Variants in RAB36 observed in about 807,000 individuals in gnomAD.
RAB36 encodes the protein ras-related protein Rab-36.
A neutral mutation model predicts 39.3 loss-of-function variants in RAB36; 33 were observed. That is an observed-to-expected ratio of 0.84 (90% CI 0.64 to 1.12). RAB36 has a LOEUF of 1.12. Ranked by LOEUF, RAB36 falls within the 50% of genes most tolerant of loss-of-function variation. The pLI is 0.00. For missense variants in RAB36, 308 were observed against 355.3 expected, an observed-to-expected ratio of 0.87 and a Z score of 1.07; for synonymous variants, 133 against 140.2, an observed-to-expected ratio of 0.95 and a Z score of 0.36.
rs548087016 is a variant in RAB36, at chr22:23,156,125, A to T, written c.394+93A>T. 1.3e-5 allele frequency: 11 copies of T among 876,132 alleles called. No homozygotes were observed. In the Admixed American group the frequency reaches 1.8e-4, roughly 14 times the overall value. The allele number at this position is 876,132 out of a possible 1,614,324, so 54.3% of individuals were successfully genotyped here. ...GGAATCCCGAGTTCTCTGCACAGGC[A>T]CCAGTTTTTTGTCCTCCAAGACCCA... On this transcript the variant is annotated intron_variant, in intron 6 of 10. Transcript: ENST00000263116.
At position 23,161,762 on chromosome 22, in the gene RAB36, A is replaced by G. The variant is rs1569220203; in HGVS notation, c.*198A>G. ...GTCCGTTGCAGGTTGGGCACTAGAA[A>G]AGGCCCCCACTGGCTGCCTGGGAGC... is the stretch of plus-strand genomic sequence containing the variant. On this transcript the variant is annotated 3_prime_UTR_variant, in exon 11 of 11. Transcript: ENST00000263116. The G allele has an allele frequency of 2.6e-5, 15 of 569,106 alleles. No individual in the cohort carries two copies. In the East Asian group the frequency reaches 4.3e-4, roughly 16 times the overall value. 35.3% of individuals were successfully genotyped at this position (569,106 alleles called of 1,614,324 possible).
intron 5 of RAB36, among the ~76,000 whole-genome samples, chr22:23,154,358 T>C (rs6003525): frequency 0.8 from 121,182 of 152,208 alleles, 48,519 homozygotes; most frequent in East Asian, 0.99. Flanking sequence ...TGGATGTCAG[T>C]TCCTAACTCT....
chr22:23,156,782 C>T (rs951352595), intron 6 of RAB36, among the ~76,000 whole-genome samples: 1 of 152,220 alleles, frequency 6.6e-6, no homozygotes, highest in African/African-American at 2.4e-5. Context: ...CTGCCCTGGT[C>T]GCATGGCCTC....
chr22:23,153,079 G>A lies in RAB36; in HGVS notation c.274G>A (p.Val92Met). The A allele has an allele frequency of 6.2e-7, 1 of 1,614,204 alleles. No homozygotes were observed. The highest frequency in any genetic ancestry group is 8.5e-7 in the Non-Finnish European group (1 of 1,180,018). ...FDRDYKATIG[V>M]DFEIERFEIA... ...TCGAGACTACAAGGCCACCATTGGGGTGGACTTTGAAATTGAGCGCTTTGA... is the reference window on the plus strand; with the variant it reads ...TCGAGACTACAAGGCCACCATTGGGATGGACTTTGAAATTGAGCGCTTTGA... Residue 92 changes from valine to methionine, a missense_variant, in exon 5 of 11, where the codon GTG becomes ATG. Transcript: ENST00000263116.
At chr22:23,161,433 C>CATCCCCTGCCCAGT in intron 10 of RAB36, 67 bp from the exon 11 acceptor site, 1 of 1,368,998 alleles carries the variant, frequency 7.3e-7, no homozygotes, top group Non-Finnish European at 1.0e-6. Context: ...TCAGGGCCGG[C>CATCCCCTGCCCAGT]ATCCCCTGCC....
At chr22:23,148,435 G>A (rs1490789591) in intron 2 of RAB36, among the ~76,000 whole-genome samples, 4 of 152,196 alleles carry the variant, frequency 2.6e-5, no homozygotes, top group Non-Finnish European at 5.9e-5. Flanking sequence ...CAGAGTTAAG[G>A]AGGGTTGCCT....
chr22:23,152,882 T>G, intron 4 of RAB36, 151 bp from the exon 5 acceptor site: 1 of 652,120 alleles, frequency 1.5e-6, no homozygotes, highest in Non-Finnish European at 2.7e-6. Context: ...TTGTCCTTGC[T>G]GGCTGCCCTG....
chr22:23,160,785 A>C, intron 9 of RAB36, 94 bp from the exon 10 acceptor site: 1 of 1,531,400 alleles, frequency 6.5e-7, no homozygotes, highest in Non-Finnish European at 8.9e-7. Flanking sequence ...CTACGTGCCA[A>C]CCTGAGGGTA....
intron 9 of RAB36, 64 bp from the exon 10 acceptor site, chr22:23,160,815 C>A: frequency 1.3e-6 from 2 of 1,571,854 alleles, no homozygotes; most frequent in Non-Finnish European, 1.7e-6. Flanking sequence ...GGCTTTCACA[C>A]CCAGATGCAT....
intron 2 of RAB36, 89 bp downstream of exon 2, chr22:23,146,774 G>A: frequency 6.6e-7 from 1 of 1,522,188 alleles, no homozygotes; most frequent in South Asian, 1.2e-5. Flanking sequence ...AAGTAAAGCA[G>A]GTGAATCAAG....
downstream of RAB36, among the ~76,000 whole-genome samples, chr22:23,167,017 C>T (rs141203423): frequency 2.4e-4 from 36 of 152,182 alleles, no homozygotes; most frequent in African/African-American, 6.5e-4. Context: ...GCCCTGTCCC[C>T]GCCTGACAGG....
intron 6 of RAB36, 108 bp downstream of exon 6, chr22:23,156,140 T>TCTGAGAAAA (rs773014045): frequency 0.24 from 229,019 of 954,164 alleles, 30,929 homozygotes; most frequent in East Asian, 0.36. Context: ...TTTTTTGTCC[T>TCTGAGAAAA]CCAAGACCCA....
At chr22:23,145,800 C>G (rs981938265) in intron 1 of RAB36, among the ~76,000 whole-genome samples, 3 of 152,254 alleles carry the variant, frequency 2.0e-5, no homozygotes, top group African/African-American at 7.2e-5. Flanking sequence ...CCACCCCAGC[C>G]CAGCCTGGAG....
chr22:23,153,539 C>T (rs1331110412), intron 5 of RAB36: 2 of 984,024 alleles, frequency 2.0e-6, no homozygotes, highest in Middle Eastern at 5.2e-4. Flanking sequence ...AAAATGGGGT[C>T]AAATCCAGTC....
intron 1 of RAB36, chr22:23,146,045 G>A (rs1428834338): frequency 1.0e-6 from 1 of 982,254 alleles, no homozygotes; most frequent in Non-Finnish European, 1.2e-6. Flanking sequence ...GCTCAGAGGG[G>A]AGCTCCTCCT....
intron 1 of RAB36, among the ~76,000 whole-genome samples, chr22:23,146,187 CAGAG>C (rs2070759425): frequency 6.6e-6 from 1 of 152,188 alleles, no homozygotes; most frequent in Non-Finnish European, 1.5e-5. Context: ...ATATTCCTGA[CAGAG>C]AGGGAAGCCT....
rs2071833969 is a variant in RAB36 at position 23,161,974 on chromosome 22, A to G, written c.*410A>G. 1 of 180,990 alleles carries G rather than the reference A, an allele frequency of 5.5e-6. No individual in the cohort carries two copies. The highest frequency in any genetic ancestry group is 5.5e-5 in the Admixed American group (1 of 18,172). 11.2% of individuals were successfully genotyped at this position (180,990 alleles called of 1,614,324 possible). A position where few individuals can be genotyped will look rare whatever the true frequency, so the allele number is the denominator to read the frequency against. Reference sequence around the variant, plus strand: ...CTGCACTCTTTCCCAGCGATCTTGGATGTGTCCCCAGGATCCGTCACAGTG... The same window carrying G: ...CTGCACTCTTTCCCAGCGATCTTGGGTGTGTCCCCAGGATCCGTCACAGTG... On this transcript the variant is annotated 3_prime_UTR_variant, in exon 11 of 11. Transcript: ENST00000263116.
chr22:23,168,617 C>A (rs5759624), downstream of RAB36, among the ~76,000 whole-genome samples: 34,092 of 152,162 alleles, frequency 0.22, 4,409 homozygotes, highest in East Asian at 0.34. Context: ...CATATGTCAG[C>A]CTTCCCCTGA....
chr22:23,152,555 A>G (rs2071213748), intron 4 of RAB36, 29 bp downstream of exon 4: 1 of 1,606,760 alleles, frequency 6.2e-7, no homozygotes. Context: ...CCCTTTGGCC[A>G]CCTCCCCCAG....
Sources: allele counts gnomAD v4.1 joint callset (sites outside exome capture counted in the v4.1 genomes callset), GRCh38; gene constraint gnomAD v4.1.1; transcripts MANE v1.5; gene names NCBI Gene and HGNC (gene_info 2026-07-23, HGNC 2026-07-21).